Variants in ST18 observed in about 807,000 individuals in gnomAD.
ST18 encodes the protein ST18 C2H2C-type zinc finger transcription factor, also known as suppression of tumorigenicity 18 protein.
ST18 carries 50 observed loss-of-function variants against 110.0 expected under a neutral mutation model. That is an observed-to-expected ratio of 0.45 (90% CI 0.36 to 0.58). The LOEUF is 0.58. Among genes scored for constraint, ST18 ranks in the 20% least tolerant of loss-of-function variants. ST18 has a pLI of 0.00. For missense variants in ST18, 1,306 were observed against 1,280.1 expected, an observed-to-expected ratio of 1.02 and a Z score of -0.31; for synonymous variants, 461 against 452.4, an observed-to-expected ratio of 1.02 and a Z score of -0.24.
intron 18 of ST18, among the ~76,000 whole-genome samples, chr8:52,137,120 C>T (rs994069593): frequency 3.3e-5 from 5 of 152,142 alleles, no homozygotes; most frequent in African/African-American, 4.8e-5. Flanking sequence ...GGCAAATGGT[C>T]GATTTGAGTC....
At position 52,149,824 on chromosome 8, in the gene ST18, C is replaced by T; in HGVS notation, c.1960G>A (p.Ala654Thr). Residue 654 changes from alanine to threonine, a missense_variant, in exon 16 of 26, where the codon GCA becomes ACA. Ala to Thr is a moderately conservative substitution (Grantham distance 58). Coordinates refer to ENST00000689386, the MANE Select transcript of ST18 (RefSeq NM_001352837.2). ...TCACAAAGAGCCTGATAGAATGCTG[C>T]ATTGACCAGAATGCTGCTTGTTTTG... ...PFKTSSILVN[A>T]AFYQALCDQE... is the part of the protein sequence containing the mutation. The T allele has an allele frequency of 6.2e-7, 1 of 1,614,158 alleles. No homozygotes were observed. The highest frequency in any genetic ancestry group is 1.6e-4 in the Middle Eastern group (1 of 6,062).
At position 52,178,626 on chromosome 8, in the gene ST18, A is replaced by C. The variant is rs1328681792; in HGVS notation, c.277+1496T>G. 1.6e-5 allele frequency among the ~76,000 whole-genome samples: 2 copies of C among 128,380 alleles called. 1 individual carries two copies. Among genetic ancestry groups the C allele is most frequent in the African/African-American group, 7.3e-5 (2 of 27,442 alleles). The allele number at this position is 128,380 out of a possible 152,430, so 84.2% of individuals were successfully genotyped here. On this transcript the variant is annotated intron_variant, in intron 9 of 25. Transcript: ENST00000689386. Reference sequence around the variant, plus strand: ...AGTGAGACTCCATCAAAAAAAAAAAAAAAAAAAAAAAAAAAAACCACCAAA... The same window carrying C: ...AGTGAGACTCCATCAAAAAAAAAAACAAAAAAAAAAAAAAAAACCACCAAA...
chr8:52,170,245 A>G (rs1175378161), intron 10 of ST18, among the ~76,000 whole-genome samples: 2 of 152,144 alleles, frequency 1.3e-5, no homozygotes, highest in African/African-American at 4.8e-5. Context: ...AGGCGGATGG[A>G]TCATGTTCCA....
At position 52,133,051 on chromosome 8, in the gene ST18, A is replaced by T; in HGVS notation, c.2444+6T>A. 6.2e-7 allele frequency: 1 copy of T among 1,614,106 alleles called. No individual in the cohort carries two copies. The highest frequency in any genetic ancestry group is 1.1e-5 in the South Asian group (1 of 91,078). On this transcript the variant is annotated splice_donor_region_variant and intron_variant, in intron 21 of 25. Coordinates refer to ENST00000689386, the MANE Select transcript of ST18 (RefSeq NM_001352837.2). The stretch of plus-strand genomic sequence containing the variant: ...CTGACCCCCATGTCTCAACTGTTGC[A>T]CTTACTTCAGTTCAGGGTCTTCTTT...
At chr8:52,323,054 T>C (rs1364126992) in intron 2 of ST18, among the ~76,000 whole-genome samples, 2 of 152,220 alleles carry the variant, frequency 1.3e-5, no homozygotes, top group Non-Finnish European at 2.9e-5. Context: ...TGGACCTAGC[T>C]CCTCGGAGGA....
At chr8:52,220,682 A>T (rs951360835) in intron 5 of ST18, 59 bp downstream of exon 5, 1 of 152,170 alleles carries the variant, frequency 6.6e-6, no homozygotes, top group Non-Finnish European at 1.5e-5. Context: ...AAATTCTTTG[A>T]TTGAATTCAT....
chr8:52,389,876 A>G (rs928686791), intron 2 of ST18, among the ~76,000 whole-genome samples: 1 of 152,262 alleles, frequency 6.6e-6, no homozygotes, highest in African/African-American at 2.4e-5. Flanking sequence ...AATGTTTACA[A>G]GGAAAATACA....
intron 8 of ST18, among the ~76,000 whole-genome samples, chr8:52,202,463 G>A (rs1326092827): frequency 2.0e-5 from 3 of 151,992 alleles, no homozygotes; most frequent in Non-Finnish European, 2.9e-5. Context: ...TCTCCCCAAC[G>A]AAATTGTAAA....
intron 2 of ST18, among the ~76,000 whole-genome samples, chr8:52,402,238 T>A (rs1843007407): frequency 6.6e-6 from 1 of 152,130 alleles, no homozygotes; most frequent in African/African-American, 2.4e-5. Flanking sequence ...AGGTGTGACA[T>A]GGGCCACAGG....
Position 52,132,080 on chromosome 8 carries a change from C to G in ST18, c.2544G>C (p.Lys848Asn), listed in dbSNP as rs779159203. The change falls in exon 22 of 26, where the codon AAG becomes AAC. Residue 848 changes from lysine to asparagine, a missense_variant. Physicochemically the swap from Lys to Asn is moderately conservative, Grantham distance 94. Coordinates refer to ENST00000689386, the MANE Select transcript of ST18 (RefSeq NM_001352837.2). The part of the protein sequence containing the change: ...SGCPLAAKRQ[K>N]ENPLNGASLS... Reference sequence around the variant, plus strand: ...GGGAGGCTCCATTGAGAGGATTCTCCTTCTGTCTCTTGGCAGCCAGAGGAC... The same window carrying G: ...GGGAGGCTCCATTGAGAGGATTCTCGTTCTGTCTCTTGGCAGCCAGAGGAC... 1 of 1,614,194 alleles carries G rather than the reference C, an allele frequency of 6.2e-7. No individual in the cohort carries two copies. The highest frequency in any genetic ancestry group is 8.5e-7 in the Non-Finnish European group (1 of 1,180,040).
rs1382783567 is a variant in ST18, at chr8:52,172,276, G to A, written c.585C>T (p.Asn195=). 1 of 1,614,170 alleles carries A rather than the reference G, an allele frequency of 6.2e-7. No homozygotes were observed. Among genetic ancestry groups the A allele is most frequent in the South Asian group, 1.1e-5 (1 of 91,080 alleles). Residue 195 remains asparagine, a synonymous_variant, in exon 10 of 26, where the codon AAC becomes AAT. Coordinates refer to ENST00000689386, the MANE Select transcript of ST18 (RefSeq NM_001352837.2). Reference sequence around the variant, plus strand: ...CCCAGCCATTTTCTGCACTTTCAGAGTTACTTTCATTGTCATCAGAGGAGC... The same window carrying A: ...CCCAGCCATTTTCTGCACTTTCAGAATTACTTTCATTGTCATCAGAGGAGC... ...PFCSSDDNES[N]SESAENGWDS...
At chr8:52,214,620 T>C (rs1430320291) in intron 6 of ST18, among the ~76,000 whole-genome samples, 1 of 152,124 alleles carries the variant, frequency 6.6e-6, no homozygotes, top group Non-Finnish European at 1.5e-5. Flanking sequence ...TCAAACCAAT[T>C]TACTAAAACC....
At chr8:52,199,090 T>A (rs2077110295) in intron 8 of ST18, 2 of 150,912 alleles carry the variant, frequency 1.3e-5, no homozygotes, top group Non-Finnish European at 1.5e-5. Context: ...TACATCCTAG[T>A]TTAAGCTTCC....
chr8:52,208,388 A>C (rs2080886790), intron 8 of ST18, among the ~76,000 whole-genome samples: 1 of 152,236 alleles, frequency 6.6e-6, no homozygotes, highest in Non-Finnish European at 1.5e-5. Flanking sequence ...ACCTGTGGAA[A>C]AAATTGGAAG....
intron 2 of ST18, among the ~76,000 whole-genome samples, chr8:52,293,903 A>G (rs1395747818): frequency 2.0e-5 from 3 of 152,238 alleles, no homozygotes; most frequent in African/African-American, 7.2e-5. Flanking sequence ...CTGAAGCCTC[A>G]TCTCAAAGTG....
At chr8:52,284,697 A>G (rs746112409) in intron 2 of ST18, among the ~76,000 whole-genome samples, 1 of 152,196 alleles carries the variant, frequency 6.6e-6, no homozygotes, top group Non-Finnish European at 1.5e-5. Context: ...ATGATGGACC[A>G]TGAGTCCCAG....
rs1347882902 is a variant in ST18 at position 52,330,210 on chromosome 8, A to C, written c.-465+79118T>G. 5.3e-5 allele frequency among the ~76,000 whole-genome samples: 8 copies of C among 152,180 alleles called. No individual in the cohort carries two copies. The East Asian group carries it at 1.5e-3, about 29-fold the overall frequency. On this transcript the variant is annotated intron_variant, in intron 2 of 25. Transcript: ENST00000689386. ...AGTTTATTATTCTTATCTTCATTTAATGTCCTGAGGAACCAGGTGAGACAA... is the reference window on the plus strand; with the variant it reads ...AGTTTATTATTCTTATCTTCATTTACTGTCCTGAGGAACCAGGTGAGACAA...
chr8:52,114,810 TACTAATGCTCGC>T (rs1290606188), intron 25 of ST18, among the ~76,000 whole-genome samples: 1 of 152,206 alleles, frequency 6.6e-6, no homozygotes, highest in East Asian at 1.9e-4. Flanking sequence ...GGAATGGGAA[TACTAATGCTCGC>T]TCTTTGGTGC....
chr8:52,143,112 T>C, intron 16 of ST18, 67 bp from the exon 17 acceptor site: 1 of 990,752 alleles, frequency 1.0e-6, no homozygotes, highest in South Asian at 1.4e-5. Flanking sequence ...GACAACTAGA[T>C]TTAAAATCAT....
Sources: allele counts gnomAD v4.1 joint callset (sites outside exome capture counted in the v4.1 genomes callset), GRCh38; gene constraint gnomAD v4.1.1; transcripts MANE v1.5; gene names NCBI Gene and HGNC (gene_info 2026-07-23, HGNC 2026-07-21).